Variants in DUSP26 observed in about 807,000 individuals in gnomAD.
DUSP26 encodes the protein dual specificity phosphatase 26, also known as dual specificity protein phosphatase 26.
Under a neutral mutation model 20.0 loss-of-function variants are expected in DUSP26, and 12 were observed. The observed-to-expected ratio is 0.60, with a 90% CI of 0.38 to 0.97. DUSP26 has a LOEUF of 0.97. Ranked by LOEUF, DUSP26 falls within the 50% of genes least tolerant of loss-of-function variation. The pLI, the probability that DUSP26 is intolerant of heterozygous loss-of-function variation, is 0.00. For missense variants in DUSP26, 230 were observed against 294.0 expected (o/e 0.78, Z 1.59); for synonymous variants, 120 against 118.8 (o/e 1.01, Z -0.06).
At chr8:33,599,295 G>A (rs1811218047) in intron 1 of DUSP26, among the ~76,000 whole-genome samples, 1 of 152,172 alleles carries the variant, frequency 6.6e-6, no homozygotes, top group Non-Finnish European at 1.5e-5. Flanking sequence ...AAGCGTGAAG[G>A]AGCCCAGGTC....
In DUSP26 at chr8:33,593,611, C is replaced by T. The variant is rs749329952; in HGVS notation, c.358G>A (p.Asp120Asn). ...GIRYLGVEAH[D>N]SPAFDMSIHF... ...ATGCTCATGTCAAAGGCTGGCGAGT[C>T]GTGGGCCTCAACACCCAGGTAGCGG... Residue 120 changes from aspartate (D) to asparagine (N), a missense_variant, in exon 3 of 4, where the codon GAC (aspartate) becomes AAC (asparagine). Asp to Asn is a conservative substitution (Grantham distance 23). Transcript: ENST00000256261. The T allele has an allele frequency of 1.9e-6, 3 of 1,614,152 alleles. No individual in the cohort carries two copies. The highest frequency in any genetic ancestry group is 2.2e-5 in the South Asian group (2 of 91,072).
intron 2 of DUSP26, among the ~76,000 whole-genome samples, chr8:33,594,279 T>TA (rs1270069378): frequency 1.3e-5 from 2 of 151,394 alleles, no homozygotes; most frequent in African/African-American, 4.9e-5. Context: ...GGGGATGGGG[T>TA]AAAAATAGCC....
At chr8:33,593,454 T>C (rs1811068493) in intron 3 of DUSP26, 79 bp downstream of exon 3, 1 of 1,484,440 alleles carries the variant, frequency 6.7e-7, no homozygotes, top group African/African-American at 1.4e-5. Context: ...CACTAAAATC[T>C]CACTCCACTC....
At chr8:33,596,018 T>G (rs546658587) in intron 2 of DUSP26, among the ~76,000 whole-genome samples, 1 of 152,316 alleles carries the variant, frequency 6.6e-6, no homozygotes, top group South Asian at 2.1e-4. Context: ...GCACGGTGGC[T>G]CATGCTTGTA....
chr8:33,593,776 T>A, intron 2 of DUSP26, 29 bp from the exon 3 acceptor site: 1 of 1,604,912 alleles, frequency 6.2e-7, no homozygotes, highest in Non-Finnish European at 8.5e-7. Flanking sequence ...AGAGGAAGGG[T>A]GGGAAAGCCA....
At chr8:33,592,649 A>G (rs971115533) in intron 3 of DUSP26, among the ~76,000 whole-genome samples, 1 of 151,794 alleles carries the variant, frequency 6.6e-6, no homozygotes, top group African/African-American at 2.4e-5. Flanking sequence ...GATGTTAGGA[A>G]TGCAGATCTC....
chr8:33,596,751 A>G (rs1489445195), intron 2 of DUSP26, among the ~76,000 whole-genome samples: 1 of 152,082 alleles, frequency 6.6e-6, no homozygotes, highest in Non-Finnish European at 1.5e-5. Flanking sequence ...CTTGGTCTCA[A>G]GAGAAACCAC....
chr8:33,591,966 G>T lies in DUSP26; in HGVS notation c.*47C>A, dbSNP rs1397499893. The T allele has an allele frequency of 6.2e-7, 1 of 1,604,636 alleles. No individual in the cohort carries two copies. The highest frequency in any genetic ancestry group is 1.1e-5 in the South Asian group (1 of 90,686). On this transcript the variant is annotated 3_prime_UTR_variant, in exon 4 of 4. Transcript: ENST00000256261. The stretch of plus-strand genomic sequence containing the variant: ...CTGGGCCTCCTATCTCCAGCTGGGA[G>T]CCAGGGACCTACCCACGGGCCTGGC...
intron 1 of DUSP26, 73 bp from the exon 2 acceptor site, chr8:33,597,664 T>G: frequency 1.5e-6 from 1 of 649,868 alleles, no homozygotes; most frequent in East Asian, 2.8e-5. Flanking sequence ...GGGCTGGTCC[T>G]TCGGGAGAAG....
intron 1 of DUSP26, 31 bp from the exon 2 acceptor site, chr8:33,597,622 G>T: frequency 1.1e-6 from 1 of 934,544 alleles, no homozygotes; most frequent in Non-Finnish European, 1.6e-6. Flanking sequence ...AGACACACTT[G>T]AGTGAGTCCA....
chr8:33,593,672 C>CCGGATGCA lies in DUSP26; in HGVS notation c.296_297insTGCATCCG (p.Trp99CysfsTer31). ...CCTCATAGGCCTCGGGCGTGCCTCG[C>CCGGATGCA]CACCGGCTGTGTGAGGCATTGAGGA... On this transcript the variant is annotated frameshift_variant, in exon 3 of 4. Transcript: ENST00000256261. LOFTEE classifies it high-confidence loss of function. 1 of 1,614,192 alleles carries CCGGATGCA rather than the reference C, an allele frequency of 6.2e-7. No homozygotes were observed. Among genetic ancestry groups the CCGGATGCA allele is most frequent in the Non-Finnish European group, 8.5e-7 (1 of 1,180,042 alleles).
In DUSP26 at chr8:33,591,983, G is replaced by C; in HGVS notation, c.*30C>G. The stretch of plus-strand genomic sequence containing the variant: ...AGCTGGGAGCCAGGGACCTACCCAC[G>C]GGCCTGGCCTGACCTCTCTCCCCCT... On this transcript the variant is annotated 3_prime_UTR_variant, in exon 4 of 4. Coordinates refer to ENST00000256261, the MANE Select transcript of DUSP26 (RefSeq NM_024025.3). 2 of 1,609,634 alleles carry C rather than the reference G, an allele frequency of 1.2e-6. No homozygotes were observed. The highest frequency in any genetic ancestry group is 1.7e-6 in the Non-Finnish European group (2 of 1,179,642).
rs780839636 is a variant in DUSP26, at chr8:33,592,115, G to A, written c.534C>T (p.Ala178=). Residue 178 remains alanine, a synonymous_variant, in exon 4 of 4, where the codon GCC becomes GCT. Transcript: ENST00000256261. ...MLYHHLTLVE[A]IKKVKDHRGI... is the part of the protein sequence containing the mutation. ...CTCGGTGGTCTTTGACTTTCTTGAT[G>A]GCCTCCACGAGGGTAAGGTGGTGGT... 2.5e-6 allele frequency: 4 copies of A among 1,613,896 alleles called. No individual in the cohort carries two copies. The highest frequency in any genetic ancestry group is 2.5e-6 in the Non-Finnish European group (3 of 1,179,964).
intron 2 of DUSP26, among the ~76,000 whole-genome samples, chr8:33,594,451 G>C (rs1811096120): frequency 6.6e-6 from 1 of 151,506 alleles, no homozygotes; most frequent in Non-Finnish European, 1.5e-5. Flanking sequence ...AATTAGCTGG[G>C]TGTGGTGGTA....
In DUSP26 at chr8:33,592,319, C is replaced by A. The variant is rs1811041536; in HGVS notation, c.437-107G>T. 6.9e-6 allele frequency: 8 copies of A among 1,158,520 alleles called. No individual in the cohort carries two copies. The South Asian group carries it at 1.3e-4, about 19-fold the overall frequency. 71.8% of individuals were successfully genotyped at this position (1,158,520 alleles called of 1,614,324 possible). A position where few individuals can be genotyped will look rare whatever the true frequency, so the allele number is the denominator to read the frequency against. On this transcript the variant is annotated intron_variant, in intron 3 of 3. Transcript: ENST00000256261. ...GGCATGGTGGCTCACGGCGGTAATT[C>A]CAGCACTTTTGGAGGCCGAAGGGGG...
intron 2 of DUSP26, 64 bp from the exon 3 acceptor site, chr8:33,593,811 C>A: frequency 6.4e-7 from 1 of 1,561,890 alleles, no homozygotes; most frequent in South Asian, 1.1e-5. Flanking sequence ...ACTCCCTTGT[C>A]TACACCCTGT....
At chr8:33,597,721 G>T in intron 1 of DUSP26, 130 bp from the exon 2 acceptor site, 1 of 519,552 alleles carries the variant, frequency 1.9e-6, no homozygotes, top group Non-Finnish European at 3.4e-6. Flanking sequence ...GGAGCCTTCA[G>T]GGGTGGCTTT....
intron 2 of DUSP26, among the ~76,000 whole-genome samples, chr8:33,596,404 C>A (rs929196645): frequency 2.0e-5 from 3 of 151,890 alleles, no homozygotes; most frequent in Non-Finnish European, 2.9e-5. Flanking sequence ...ACGGTGAAAC[C>A]CCGTCTCTAC....
rs1393031602 is a variant in DUSP26 at position 33,599,796 on chromosome 8, T to G, written c.-208A>C. ...CAAGACAGGTTGACAGATTAGCAGC[T>G]ATTTTTAAGCCATGACACACACGTC... On this transcript the variant is annotated 5_prime_UTR_variant, in exon 1 of 4. Transcript: ENST00000256261. 6.6e-6 allele frequency: 1 copy of G among 152,292 alleles called. No individual in the cohort carries two copies. The highest frequency in any genetic ancestry group is 6.5e-5 in the Admixed American group (1 of 15,292). The allele number at this position is 152,292 out of a possible 1,614,324, so 9.4% of individuals were successfully genotyped here. A position where few individuals can be genotyped will look rare whatever the true frequency, so the allele number is the denominator to read the frequency against.
Sources: gnomAD v4.1 joint callset for allele counts (sites outside exome capture counted in the v4.1 genomes callset) on GRCh38, gnomAD v4.1.1 for gene constraint, MANE v1.5 for transcripts, NCBI Gene and HGNC (gene_info 2026-07-23, HGNC 2026-07-21) for gene names.